Variants in SLC6A6 observed in about 807,000 individuals in gnomAD.
SLC6A6 encodes solute carrier family 6 member 6.
Under a neutral mutation model 68.8 loss-of-function variants are expected in SLC6A6, and 16 were observed. The ratio of observed to expected loss-of-function variants is 0.23; its 90% CI spans 0.16 to 0.35. SLC6A6 has a LOEUF of 0.35. SLC6A6 is among the 10% of genes least tolerant of loss of function. SLC6A6 has a pLI of 1.00. For synonymous variants in SLC6A6, 312 were observed against 315.4 expected (o/e 0.99, Z 0.12); for missense variants, 474 against 802.8 (o/e 0.59, Z 4.95).
Position 14,445,172 on chromosome 3 carries a change from C to G in SLC6A6, c.230-545C>G, listed in dbSNP as rs551404481. On this transcript the variant is annotated intron_variant, in intron 3 of 14. Coordinates refer to ENST00000622186, the MANE Select transcript of SLC6A6 (RefSeq NM_003043.6). ...GCGCGGTGGCTCACGCCTGTAATCC[C>G]AGCACTTTGGGAGGCCAAGGCGGGC... is the stretch of plus-strand genomic sequence containing the variant. 1.6e-3 allele frequency among the ~76,000 whole-genome samples: 250 copies of G among 152,234 alleles called. 1 individual carries two copies. The highest frequency in any genetic ancestry group is 5.7e-3 in the African/African-American group (236 of 41,536).
chr3:14,466,386 T>C, intron 6 of SLC6A6, 130 bp from the exon 7 acceptor site: 2 of 1,046,578 alleles, frequency 1.9e-6, no homozygotes, highest in Non-Finnish European at 2.7e-6. Flanking sequence ...GCACAGCAAG[T>C]AAGACAGCAA....
At chr3:14,452,954 C>T (rs1700286874) in intron 5 of SLC6A6, among the ~76,000 whole-genome samples, 3 of 152,210 alleles carry the variant, frequency 2.0e-5, no homozygotes, top group Admixed American at 6.5e-5. Flanking sequence ...GGGAGCTCGG[C>T]ACGTATCATT....
intron 6 of SLC6A6, among the ~76,000 whole-genome samples, chr3:14,465,039 C>T (rs1337757840): frequency 1.3e-5 from 2 of 152,218 alleles, no homozygotes; most frequent in Non-Finnish European, 2.9e-5. Flanking sequence ...CTGTAAACCA[C>T]CGTCCTGGGG....
Position 14,485,074 on chromosome 3 carries a change from A to T in SLC6A6, c.*67A>T, listed in dbSNP as rs891900218. On this transcript the variant is annotated 3_prime_UTR_variant, in exon 15 of 15. Coordinates refer to ENST00000622186, the MANE Select transcript of SLC6A6 (RefSeq NM_003043.6). ...ACTAACATTAGATTCTCATAGGACC[A>T]GGTTTACAGAGCTTTATATTTGCAC... 5.0e-5 allele frequency: 68 copies of T among 1,353,074 alleles called. No homozygotes were observed. The highest frequency in any genetic ancestry group is 6.0e-5 in the Non-Finnish European group (60 of 995,010). The allele number at this position is 1,353,074 out of a possible 1,614,324, so 83.8% of individuals were successfully genotyped here. A position where few individuals can be genotyped will look rare whatever the true frequency, so the allele number is the denominator to read the frequency against.
chr3:14,403,199 G>T (rs1478324924), intron 1 of SLC6A6, among the ~76,000 whole-genome samples: 1 of 152,062 alleles, frequency 6.6e-6, no homozygotes, highest in Non-Finnish European at 1.5e-5. Flanking sequence ...TTCTGAGGGT[G>T]ACTGTTTCAC....
At chr3:14,443,888 G>A (rs1700050228) in intron 3 of SLC6A6, 25 bp downstream of exon 3, 1 of 1,537,392 alleles carries the variant, frequency 6.5e-7, no homozygotes, top group African/African-American at 1.4e-5. Context: ...GGCCACAGGG[G>A]AGCCCATCCA....
At chr3:14,458,179 G>A in intron 6 of SLC6A6, 97 bp downstream of exon 6, 1 of 1,160,874 alleles carries the variant, frequency 8.6e-7, no homozygotes, top group African/African-American at 1.5e-5. Flanking sequence ...CGCCCCAAGA[G>A]GGAGGTGGCC....
intron 2 of SLC6A6, among the ~76,000 whole-genome samples, chr3:14,436,003 C>T (rs890893800): frequency 5.3e-5 from 8 of 152,172 alleles, no homozygotes; most frequent in African/African-American, 1.7e-4. Flanking sequence ...CTTTGGAGCT[C>T]GCCACGCTTG....
At chr3:14,454,567 G>A (rs1018286206) in intron 5 of SLC6A6, among the ~76,000 whole-genome samples, 7 of 152,152 alleles carry the variant, frequency 4.6e-5, no homozygotes, top group Admixed American at 3.9e-4. Flanking sequence ...AAGAATGTCG[G>A]TTGCTCTGGC....
chr3:14,459,150 G>A (rs1700437561), intron 6 of SLC6A6, among the ~76,000 whole-genome samples: 1 of 152,154 alleles, frequency 6.6e-6, no homozygotes, highest in Non-Finnish European at 1.5e-5. Context: ...TTTAGATAGT[G>A]CCCTGTCAAC....
At chr3:14,446,963 C>G (rs1266799012) in intron 4 of SLC6A6, among the ~76,000 whole-genome samples, 3 of 152,154 alleles carry the variant, frequency 2.0e-5, no homozygotes, top group Non-Finnish European at 4.4e-5. Context: ...TTCCATTAAA[C>G]CACTCAGTAA....
At position 14,443,838 on chromosome 3, in the gene SLC6A6, G is replaced by A. The variant is rs555229031; in HGVS notation, c.204G>A (p.Pro68=). ...GCTTGGGCAACGTCTGGCGCTTCCC[G>A]TACCTCTGCTACAAGAATGGTGGAG... ...FVGLGNVWRF[P]YLCYKNGGGA... is the part of the protein sequence containing the mutation. Residue 68 remains proline, a synonymous_variant, in exon 3 of 15, where the codon CCG becomes CCA. Coordinates refer to ENST00000622186, the MANE Select transcript of SLC6A6 (RefSeq NM_003043.6). 62 of 1,613,560 alleles carry A rather than the reference G, an allele frequency of 3.8e-5. No homozygotes were observed. The highest frequency in any genetic ancestry group is 3.7e-4 in the South Asian group (34 of 91,074).
intron 6 of SLC6A6, among the ~76,000 whole-genome samples, chr3:14,464,639 G>A (rs554582995): frequency 5.3e-5 from 8 of 152,236 alleles, no homozygotes; most frequent in Middle Eastern, 3.4e-3. Context: ...GTCGAGGGTC[G>A]TGGTGCCAGC....
chr3:14,458,903 G>T (rs1376472351), intron 6 of SLC6A6, among the ~76,000 whole-genome samples: 2 of 152,198 alleles, frequency 1.3e-5, no homozygotes, highest in African/African-American at 4.8e-5. Flanking sequence ...ATGTTAGCTT[G>T]TAATTTTAAG....
chr3:14,443,337 C>T (rs1293720632), intron 2 of SLC6A6, among the ~76,000 whole-genome samples: 1 of 152,138 alleles, frequency 6.6e-6, no homozygotes, highest in East Asian at 1.9e-4. Context: ...GACGACAAAC[C>T]TGGGGGCCTC....
chr3:14,433,838 A>C (rs2124928103), intron 2 of SLC6A6, among the ~76,000 whole-genome samples: 1 of 146,668 alleles, frequency 6.8e-6, no homozygotes, highest in African/African-American at 2.5e-5. Context: ...AGTCATAAGT[A>C]CCTGCAGGGA....
In SLC6A6 at chr3:14,431,082, A is replaced by G. The variant is rs1461403576; in HGVS notation, c.-11-12542A>G. The stretch of plus-strand genomic sequence containing the variant: ...AGTCATTATTGGAAGATGCTCAGGA[A>G]TGGACATCGTTTAATGAAAAGTGAT... On this transcript the variant is annotated intron_variant, in intron 2 of 14. Coordinates refer to ENST00000622186, the MANE Select transcript of SLC6A6 (RefSeq NM_003043.6). Among the ~76,000 whole-genome samples the G allele has an allele frequency of 5.6e-5, 3 of 53,186 alleles. No individual in the cohort carries two copies. In the East Asian group the frequency reaches 8.4e-4, roughly 15 times the overall value. The allele number at this position is 53,186 out of a possible 152,430, so 34.9% of individuals were successfully genotyped here.
intron 5 of SLC6A6, among the ~76,000 whole-genome samples, chr3:14,449,821 G>A (rs560050779): frequency 5.3e-5 from 8 of 152,130 alleles, no homozygotes; most frequent in South Asian, 2.1e-4. Context: ...GCGTGATCTC[G>A]GCTCACTGCA....
chr3:14,460,666 T>C (rs1700474070), intron 6 of SLC6A6, among the ~76,000 whole-genome samples: 1 of 152,258 alleles, frequency 6.6e-6, no homozygotes, highest in African/African-American at 2.4e-5. Flanking sequence ...GGTGCCAGGC[T>C]GCAGCTGTGG....
Sources: gnomAD v4.1 joint callset for allele counts (sites outside exome capture counted in the v4.1 genomes callset) on GRCh38, gnomAD v4.1.1 for gene constraint, MANE v1.5 for transcripts, NCBI Gene and HGNC (gene_info 2026-07-23, HGNC 2026-07-21) for gene names.